CLIP4: variants seen among roughly 807,000 people sequenced by gnomAD.
The protein encoded by CLIP4 is CAP-Gly domain-containing linker protein 4.
In CLIP4, 47 loss-of-function variants were observed where a neutral mutation model predicts 73.1. The observed-to-expected ratio is 0.64, with a 90% confidence interval of 0.51 to 0.82. The LOEUF (loss-of-function observed/expected upper bound fraction) is 0.82. Ranked by LOEUF, CLIP4 falls within the 40% of genes least tolerant of loss-of-function variation. CLIP4 has a pLI of 0.00. For synonymous variants in CLIP4, 306 were observed against 295.4 expected (o/e 1.04, Z -0.37); for missense variants, 874 against 852.9 (o/e 1.02, Z -0.31).
rs1666661653 is a variant in CLIP4, at chr2:29,152,778, T to C, written c.1115T>C (p.Ile372Thr). ...TCTACAAAAGCTGCTGTACCTCTCA[T>C]CAGGTCCCAGAAAATTGACGTAGCT... Reference protein sequence around the residue: ...TPSTKAAVPLIRSQKIDVAHV... With the variant: ...TPSTKAAVPLTRSQKIDVAHV... The change falls in exon 9 of 16, where the codon ATC becomes ACC. Residue 372 changes from isoleucine (I) to threonine (T), a missense_variant. Coordinates refer to ENST00000320081, the MANE Select transcript of CLIP4 (RefSeq NM_024692.6). 1 of 1,613,766 alleles carries C rather than the reference T, an allele frequency of 6.2e-7. No individual in the cohort carries two copies. The highest frequency in any genetic ancestry group is 8.5e-7 in the Non-Finnish European group (1 of 1,179,854).
chr2:29,157,132 T>C, intron 10 of CLIP4, 72 bp from the exon 11 acceptor site: 2 of 1,324,480 alleles, frequency 1.5e-6, no homozygotes, highest in Non-Finnish European at 2.2e-6. Context: ...TTCAGAAAGA[T>C]TTGCCTTGAC....
intron 15 of CLIP4, among the ~76,000 whole-genome samples, chr2:29,179,477 G>A (rs1199104723): frequency 6.6e-6 from 1 of 152,158 alleles, no homozygotes; most frequent in Non-Finnish European, 1.5e-5. Context: ...TACAGCCATG[G>A]ATCTGAGCCT....
Position 29,143,854 on chromosome 2 carries a change from T to C in CLIP4, c.794T>C (p.Met265Thr). 2 of 1,614,200 alleles carry C rather than the reference T, an allele frequency of 1.2e-6. No individual in the cohort carries two copies. The highest frequency in any genetic ancestry group is 8.5e-7 in the Non-Finnish European group (1 of 1,180,026). Residue 265 changes from methionine to threonine, a missense_variant, in exon 7 of 16, where the codon ATG becomes ACG. Coordinates refer to ENST00000320081, the MANE Select transcript of CLIP4 (RefSeq NM_024692.6). Reference protein sequence around the residue: ...VPLSCNISKAMLPNYDHVTGK... With the variant: ...VPLSCNISKATLPNYDHVTGK... Reference sequence around the variant, plus strand: ...CTGTCATGTAACATCTCAAAGGCCATGCTCCCAAATTATGATCATGTCACT... The same window carrying C: ...CTGTCATGTAACATCTCAAAGGCCACGCTCCCAAATTATGATCATGTCACT...
chr2:29,139,028 C>T (rs550110385), intron 6 of CLIP4, among the ~76,000 whole-genome samples: 3 of 152,174 alleles, frequency 2.0e-5, no homozygotes, highest in African/African-American at 7.2e-5. Context: ...GCTAGGACTT[C>T]CAGTACTATG....
At chr2:29,117,055 A>G (rs1572870311) in intron 1 of CLIP4, among the ~76,000 whole-genome samples, 1 of 152,334 alleles carries the variant, frequency 6.6e-6, no homozygotes, top group South Asian at 2.1e-4. Flanking sequence ...AATTATTTAT[A>G]ATGAACTATG....
intron 1 of CLIP4, among the ~76,000 whole-genome samples, chr2:29,101,459 G>A (rs1668047417): frequency 6.6e-6 from 1 of 152,120 alleles, no homozygotes; most frequent in Non-Finnish European, 1.5e-5. Context: ...GAAGCATCCA[G>A]CATAGGGGGA....
intron 1 of CLIP4, among the ~76,000 whole-genome samples, chr2:29,120,418 G>A (rs1256838833): frequency 6.6e-6 from 1 of 152,076 alleles, no homozygotes; most frequent in Non-Finnish European, 1.5e-5. Context: ...GGTTGGTTAA[G>A]TAGAACAGAG....
At chr2:29,160,308 C>G (rs1667202390) in intron 11 of CLIP4, 25 bp from the exon 12 acceptor site, 1 of 1,613,904 alleles carries the variant, frequency 6.2e-7, no homozygotes, top group African/African-American at 1.3e-5. Flanking sequence ...TGCCCTGCCC[C>G]TGTATCCCTC....
At chr2:29,135,981 A>G (rs984575644) in intron 6 of CLIP4, among the ~76,000 whole-genome samples, 1 of 152,198 alleles carries the variant, frequency 6.6e-6, no homozygotes, top group African/African-American at 2.4e-5. Context: ...AGCAATACAT[A>G]TATTACAGTT....
intron 6 of CLIP4, among the ~76,000 whole-genome samples, chr2:29,136,398 T>G (rs1405673448): frequency 1.3e-5 from 2 of 152,164 alleles, no homozygotes; most frequent in Admixed American, 6.6e-5. Flanking sequence ...TCTTTCTGTT[T>G]AACCCCCTTG....
rs930569426 is a variant in CLIP4 at position 29,121,435 on chromosome 2, T to G, written c.47T>G (p.Leu16Trp). 1.4e-5 allele frequency: 23 copies of G among 1,613,674 alleles called. No homozygotes were observed. Among genetic ancestry groups the G allele is most frequent in the Non-Finnish European group, 1.9e-5 (22 of 1,179,834 alleles). Reference sequence around the variant, plus strand: ...GATTTTCCATTAGAAGGAAATCCTTTGTTTGGAAGATACCCATTTATATTT... The same window carrying G: ...GATTTTCCATTAGAAGGAAATCCTTGGTTTGGAAGATACCCATTTATATTT... Reference protein sequence around the residue: ...LPDFPLEGNPLFGRYPFIFSA... With the variant: ...LPDFPLEGNPWFGRYPFIFSA... The change falls in exon 2 of 16, where the codon TTG becomes TGG. Residue 16 changes from leucine to tryptophan, a missense_variant. Coordinates refer to ENST00000320081, the MANE Select transcript of CLIP4 (RefSeq NM_024692.6).
intron 7 of CLIP4, among the ~76,000 whole-genome samples, chr2:29,144,991 A>G (rs1476062534): frequency 6.6e-6 from 1 of 151,494 alleles, no homozygotes; most frequent in Non-Finnish European, 1.5e-5. Context: ...GTCTTCTTGG[A>G]AATTGACTCC....
At chr2:29,132,468 C>A in intron 4 of CLIP4, 2 of 524,300 alleles carry the variant, frequency 3.8e-6, no homozygotes, top group Admixed American at 3.5e-5. Flanking sequence ...TGGATCAGGC[C>A]TCATGCCTGA....
upstream of CLIP4, among the ~76,000 whole-genome samples, chr2:29,113,212 G>A (rs558636207): frequency 2.6e-5 from 4 of 152,326 alleles, no homozygotes; most frequent in African/African-American, 9.6e-5. This position sits in a 1 kb window ranked among gnomAD's most constrained non-coding sequence, Gnocchi z 4.0. Context: ...TGGTCAGTGA[G>A]TAATGCCCTT....
chr2:29,140,505 G>A (rs1665686851), intron 6 of CLIP4, among the ~76,000 whole-genome samples: 1 of 152,180 alleles, frequency 6.6e-6, no homozygotes, highest in African/African-American at 2.4e-5. Context: ...TTGGTTCCAA[G>A]TCTTTGCTAT....
intron 6 of CLIP4, among the ~76,000 whole-genome samples, chr2:29,138,489 CTTT>C (rs545466027): frequency 7.1e-6 from 1 of 140,698 alleles, no homozygotes; most frequent in African/African-American, 2.6e-5. Context: ...TATTTGGGCT[CTTT>C]TTTTTTTTTG....
chr2:29,173,667 T>C (rs1303857562), intron 14 of CLIP4, among the ~76,000 whole-genome samples: 2 of 152,226 alleles, frequency 1.3e-5, no homozygotes, highest in Non-Finnish European at 2.9e-5. Flanking sequence ...ACTAAAATTG[T>C]GTCAATCAAA....
At chr2:29,138,747 T>A (rs1174403083) in intron 6 of CLIP4, among the ~76,000 whole-genome samples, 1 of 152,146 alleles carries the variant, frequency 6.6e-6, no homozygotes, top group Admixed American at 6.6e-5. Flanking sequence ...ATTTTTATTA[T>A]TATTTTGTGG....
chr2:29,163,988 A>G, intron 13 of CLIP4, 34 bp downstream of exon 13: 1 of 1,590,314 alleles, frequency 6.3e-7, no homozygotes, highest in South Asian at 1.1e-5. Flanking sequence ...ATTTACAGAA[A>G]CTTTTTGTAA....
Sources: allele counts gnomAD v4.1 joint callset (sites outside exome capture counted in the v4.1 genomes callset), GRCh38; gene constraint gnomAD v4.1.1; non-coding constraint Gnocchi (gnomAD v3.1); transcripts MANE v1.5; gene names NCBI Gene and HGNC (gene_info 2026-07-23, HGNC 2026-07-21).